TJP1: variants seen among roughly 807,000 people sequenced by gnomAD.
TJP1 encodes tight junction protein 1, also known as tight junction protein ZO-1.
Under a neutral mutation model 194.2 loss-of-function variants are expected in TJP1, and 43 were observed. That is an observed-to-expected ratio of 0.22 (90% CI 0.17 to 0.29). TJP1 has a LOEUF of 0.29. Ranked by LOEUF, TJP1 falls within the 10% of genes least tolerant of loss-of-function variation. TJP1 has a pLI of 1.00. For missense variants in TJP1, 1,971 were observed against 2,185.7 expected (o/e 0.90, Z 1.96); for synonymous variants, 801 against 779.0 (o/e 1.03, Z -0.47).
Position 29,822,201 on chromosome 15 carries a change from G to A in TJP1, c.-173C>T, listed in dbSNP as rs1014610356. On this transcript the variant is annotated 5_prime_UTR_variant, in exon 1 of 28. Coordinates refer to ENST00000614355, the MANE Select transcript of TJP1 (RefSeq NM_001330239.4). The stretch of plus-strand genomic sequence containing the variant: ...GGGAGGGAATTCAACTCGGACAAAA[G>A]TCCGGGAAGCGCCCGCCCCGCCCGG... The A allele has an allele frequency of 1.7e-6, 2 of 1,178,868 alleles. No homozygotes were observed. The allele number at this position is 1,178,868 out of a possible 1,614,324, so 73.0% of individuals were successfully genotyped here. A position where few individuals can be genotyped will look rare whatever the true frequency, so the allele number is the denominator to read the frequency against.
intron 2 of TJP1, among the ~76,000 whole-genome samples, chr15:29,886,178 C>T (rs1471770491): frequency 1.3e-5 from 2 of 152,174 alleles, no homozygotes; most frequent in Non-Finnish European, 2.9e-5. Flanking sequence ...AGAAAAACCA[C>T]ATTATATCAA....
At chr15:29,784,073 A>C (rs1469214456) in intron 2 of TJP1, among the ~76,000 whole-genome samples, 1 of 152,156 alleles carries the variant, frequency 6.6e-6, no homozygotes, top group African/African-American at 2.4e-5. Flanking sequence ...ATATATGAAC[A>C]GTAGGAGTCC....
intron 2 of TJP1, among the ~76,000 whole-genome samples, chr15:29,784,058 A>G (rs962903237): frequency 2.0e-5 from 3 of 152,148 alleles, no homozygotes; most frequent in African/African-American, 7.2e-5. Context: ...CAAAAGCAGC[A>G]TGATATATAT....
intron 25 of TJP1, 64 bp downstream of exon 25, chr15:29,708,495 C>G (rs2042042450): frequency 7.5e-7 from 1 of 1,334,740 alleles, no homozygotes; most frequent in South Asian, 1.3e-5. Context: ...GTCAAATAAA[C>G]TACAACAAAC....
intron 19 of TJP1, 96 bp from the exon 20 acceptor site, chr15:29,720,112 G>A (rs2042838417): frequency 6.9e-7 from 1 of 1,455,524 alleles, no homozygotes; most frequent in Admixed American, 2.4e-5. Context: ...CATTTTAAGT[G>A]TGCTGAATAA....
intron 2 of TJP1, among the ~76,000 whole-genome samples, chr15:29,775,815 T>C (rs925251000): frequency 6.6e-6 from 1 of 152,010 alleles, no homozygotes; most frequent in African/African-American, 2.4e-5. Context: ...CCTGAGGAAA[T>C]ATAGATGGCC....
At chr15:29,859,372 A>G (rs1441014536) in intron 2 of TJP1, among the ~76,000 whole-genome samples, 1 of 152,186 alleles carries the variant, frequency 6.6e-6, no homozygotes, top group Non-Finnish European at 1.5e-5. Context: ...TATTAAGAAG[A>G]GCTTTGGGAA....
chr15:29,700,418 C>T lies in TJP1; in HGVS notation c.*1177G>A, dbSNP rs2041468903. On this transcript the variant is annotated 3_prime_UTR_variant, in exon 28 of 28. Coordinates refer to ENST00000614355, the MANE Select transcript of TJP1 (RefSeq NM_001330239.4). Reference sequence around the variant, plus strand: ...GTAACTGTATCTTTTAAATGCAGCACTTAAAAATGTAACAACTCTGTGCAT... The same window carrying T: ...GTAACTGTATCTTTTAAATGCAGCATTTAAAAATGTAACAACTCTGTGCAT... 3 of 398,654 alleles carry T rather than the reference C, an allele frequency of 7.5e-6. No individual in the cohort carries two copies. Among genetic ancestry groups the T allele is most frequent in the Admixed American group, 8.8e-5 (2 of 22,700 alleles). 24.7% of individuals were successfully genotyped at this position (398,654 alleles called of 1,614,324 possible).
intron 1 of TJP1, among the ~76,000 whole-genome samples, chr15:29,814,908 G>C (rs2049801565): frequency 6.6e-6 from 1 of 152,182 alleles, no homozygotes; most frequent in Non-Finnish European, 1.5e-5. Context: ...TCAGTATTGA[G>C]CACTACATAT....
At chr15:29,809,068 AAT>A (rs1216207515) in intron 1 of TJP1, among the ~76,000 whole-genome samples, 1 of 152,208 alleles carries the variant, frequency 6.6e-6, no homozygotes, top group East Asian at 1.9e-4. Context: ...TATGATACGA[AAT>A]ATGTGATATG....
intron 1 of TJP1, among the ~76,000 whole-genome samples, chr15:29,805,420 G>C (rs1410897585): frequency 6.6e-6 from 1 of 152,138 alleles, no homozygotes; most frequent in Admixed American, 6.5e-5. Context: ...AAATCCAAAA[G>C]AGAAGATATA....
In TJP1 at chr15:29,773,214, C is replaced by G; in HGVS notation, c.209+19G>C. The G allele has an allele frequency of 6.2e-7, 1 of 1,612,786 alleles. No homozygotes were observed. The highest frequency in any genetic ancestry group is 8.5e-7 in the Non-Finnish European group (1 of 1,179,144). On this transcript the variant is annotated intron_variant, in intron 3 of 27. Coordinates refer to ENST00000614355, the MANE Select transcript of TJP1 (RefSeq NM_001330239.4). ...AACACTGCTTGTTGCACAGTGCCCACGATAAGCAGCACTCTTACTGTAGCT... is the reference window on the plus strand; with the variant it reads ...AACACTGCTTGTTGCACAGTGCCCAGGATAAGCAGCACTCTTACTGTAGCT...
intron 23 of TJP1, among the ~76,000 whole-genome samples, chr15:29,715,062 T>G (rs1303752249): frequency 6.6e-6 from 1 of 152,218 alleles, no homozygotes; most frequent in African/African-American, 2.4e-5. Flanking sequence ...ATTTAGATGT[T>G]ACTGTGATAA....
chr15:29,904,949 G>A (rs1453014350), intron 2 of TJP1, among the ~76,000 whole-genome samples: 2 of 152,226 alleles, frequency 1.3e-5, no homozygotes, highest in African/African-American at 4.8e-5. Context: ...AACTGCAGCC[G>A]CCAGAAACTA....
At chr15:29,837,779 G>C (rs1384968367) in intron 2 of TJP1, among the ~76,000 whole-genome samples, 1 of 152,128 alleles carries the variant, frequency 6.6e-6, no homozygotes, top group Non-Finnish European at 1.5e-5. Flanking sequence ...TACTCTTTCT[G>C]TTTCCTTTTC....
chr15:29,846,951 A>G (rs1044756113), intron 2 of TJP1, among the ~76,000 whole-genome samples: 2 of 150,130 alleles, frequency 1.3e-5, no homozygotes, highest in African/African-American at 4.8e-5. Flanking sequence ...AGAAAGAAAG[A>G]AAACAAGGGC....
chr15:29,727,519 C>T (rs572454556), intron 16 of TJP1, among the ~76,000 whole-genome samples: 3 of 152,298 alleles, frequency 2.0e-5, no homozygotes, highest in South Asian at 2.1e-4. Flanking sequence ...AGCCAAATTT[C>T]TAAAAACCTT....
chr15:29,911,971 A>T (rs2054028979), intron 2 of TJP1, among the ~76,000 whole-genome samples: 1 of 152,192 alleles, frequency 6.6e-6, no homozygotes, highest in African/African-American at 2.4e-5. Context: ...TGAGTGTCTT[A>T]GTCACCTGGG....
intron 8 of TJP1, among the ~76,000 whole-genome samples, chr15:29,746,170 AGATC>A (rs1389081886): frequency 6.6e-6 from 1 of 152,192 alleles, no homozygotes; most frequent in East Asian, 1.9e-4. Flanking sequence ...CAAGGTCAGA[AGATC>A]GAGACCATCC....
Sources: gnomAD v4.1 joint callset for allele counts (sites outside exome capture counted in the v4.1 genomes callset) on GRCh38, gnomAD v4.1.1 for gene constraint, MANE v1.5 for transcripts, NCBI Gene and HGNC (gene_info 2026-07-23, HGNC 2026-07-21) for gene names.